Variants in SH3RF3 observed in about 807,000 individuals in gnomAD.
SH3RF3 encodes the protein E3 ubiquitin-protein ligase SH3RF3.
A neutral mutation model predicts 66.3 loss-of-function variants in SH3RF3; 29 were observed. The ratio of observed to expected loss-of-function variants is 0.44; its 90% CI spans 0.33 to 0.60. The LOEUF (loss-of-function observed/expected upper bound fraction) is 0.60. Among genes scored for constraint, SH3RF3 ranks in the 20% least tolerant of loss-of-function variants. The pLI, the probability that SH3RF3 is intolerant of heterozygous loss-of-function variation, is 0.04. For synonymous variants in SH3RF3, 583 were observed against 532.0 expected, an observed-to-expected ratio of 1.10 and a Z score of -1.32; for missense variants, 1,194 against 1,190.9, an observed-to-expected ratio of 1.00 and a Z score of -0.04.
intron 1 of SH3RF3, among the ~76,000 whole-genome samples, chr2:109,302,483 C>T (rs1681493276): frequency 6.6e-6 from 1 of 152,244 alleles, no homozygotes; most frequent in African/African-American, 2.4e-5. Context: ...CTCTTAGGGC[C>T]CCCATAGGGG....
rs1297592029 is a variant in SH3RF3 at position 109,503,002 on chromosome 2, G to C, written c.*1331G>C. 1 of 152,222 alleles carries C rather than the reference G, an allele frequency of 6.6e-6. No individual in the cohort carries two copies. The highest frequency in any genetic ancestry group is 2.4e-5 in the African/African-American group (1 of 41,462). 9.4% of individuals were successfully genotyped at this position (152,222 alleles called of 1,614,324 possible). A position where few individuals can be genotyped will look rare whatever the true frequency, so the allele number is the denominator to read the frequency against. Reference sequence around the variant, plus strand: ...ACCGCTGCAGGCTTGCAAGATCGGGGAGTTGGGAGGGCGAGAGAGGAGGAG... The same window carrying C: ...ACCGCTGCAGGCTTGCAAGATCGGGCAGTTGGGAGGGCGAGAGAGGAGGAG... On this transcript the variant is annotated 3_prime_UTR_variant, in exon 10 of 10. Coordinates refer to ENST00000309415, the MANE Select transcript of SH3RF3 (RefSeq NM_001099289.3).
At chr2:109,405,449 C>G (rs1345360259) in intron 4 of SH3RF3, among the ~76,000 whole-genome samples, 1 of 152,158 alleles carries the variant, frequency 6.6e-6, no homozygotes, top group Admixed American at 6.5e-5. Context: ...CTCTCCAGCT[C>G]CCGGCAGCAC....
chr2:109,151,899 G>A (rs1677232645), intron 1 of SH3RF3, among the ~76,000 whole-genome samples: 1 of 152,214 alleles, frequency 6.6e-6, no homozygotes, highest in African/African-American at 2.4e-5. Context: ...GAGGACTGCA[G>A]GAATTTTTGG....
rs371293742 is a variant in SH3RF3 at position 109,410,621 on chromosome 2, G to C, written c.1300-8918G>C. Among the ~76,000 whole-genome samples, 8 of 152,238 alleles carry C rather than the reference G, an allele frequency of 5.3e-5. No homozygotes were observed. In the East Asian group the frequency reaches 1.5e-3, roughly 29 times the overall value. On this transcript the variant is annotated intron_variant, in intron 4 of 9. Coordinates refer to ENST00000309415, the MANE Select transcript of SH3RF3 (RefSeq NM_001099289.3). Reference sequence around the variant, plus strand: ...AGGGAGGGATTGCTGGAGTTGTTCTGTAGGGTCAGTGACTCAGAGAACTGG... The same window carrying C: ...AGGGAGGGATTGCTGGAGTTGTTCTCTAGGGTCAGTGACTCAGAGAACTGG...
At chr2:109,447,680 T>C (rs1334140664) in intron 7 of SH3RF3, among the ~76,000 whole-genome samples, 1 of 152,176 alleles carries the variant, frequency 6.6e-6, no homozygotes. Flanking sequence ...GTTCATTCTC[T>C]CCCAGCATTT....
chr2:109,475,273 G>A (rs978841753), intron 8 of SH3RF3, among the ~76,000 whole-genome samples: 1 of 152,154 alleles, frequency 6.6e-6, no homozygotes, highest in East Asian at 1.9e-4. Flanking sequence ...CACCACGCCC[G>A]GCTTCAGTAT....
chr2:109,166,446 C>T (rs1677626256), intron 1 of SH3RF3, among the ~76,000 whole-genome samples: 2 of 141,580 alleles, frequency 1.4e-5, no homozygotes, highest in Admixed American at 1.5e-4. Context: ...CACTGTACTC[C>T]AGCCTGGTGA....
At chr2:109,284,640 A>G (rs992093441) in intron 1 of SH3RF3, among the ~76,000 whole-genome samples, 22 of 152,234 alleles carry the variant, frequency 1.4e-4, no homozygotes, top group African/African-American at 5.1e-4. Context: ...ACCATTGCCA[A>G]TGTCATGGGT....
At chr2:109,265,125 G>A (rs574098725) in intron 1 of SH3RF3, among the ~76,000 whole-genome samples, 1 of 152,180 alleles carries the variant, frequency 6.6e-6, no homozygotes, top group Admixed American at 6.5e-5. Flanking sequence ...GAAATAGGAT[G>A]GTGTGTGTTT....
chr2:109,199,998 G>A (rs867640957), intron 1 of SH3RF3, among the ~76,000 whole-genome samples: 20 of 152,040 alleles, frequency 1.3e-4, no homozygotes, highest in Non-Finnish European at 2.1e-4. Context: ...AGCTAAGGTG[G>A]GGTGGGTGCT....
intron 1 of SH3RF3, among the ~76,000 whole-genome samples, chr2:109,217,973 C>T (rs940056990): frequency 6.6e-6 from 1 of 152,180 alleles, no homozygotes; most frequent in Non-Finnish European, 1.5e-5. Context: ...CTTGCTCCTG[C>T]CGGTTGCCTT....
At chr2:109,325,154 G>A (rs575861445) in intron 1 of SH3RF3, among the ~76,000 whole-genome samples, 1 of 152,100 alleles carries the variant, frequency 6.6e-6, no homozygotes, top group African/African-American at 2.4e-5. Flanking sequence ...TGCAGTGCTC[G>A]GAAACAACTC....
At chr2:109,296,209 A>G (rs984300369) in intron 1 of SH3RF3, among the ~76,000 whole-genome samples, 1 of 151,494 alleles carries the variant, frequency 6.6e-6, no homozygotes, top group Non-Finnish European at 1.5e-5. Context: ...CTTCCACTCT[A>G]AACAGAATGA....
chr2:109,193,672 T>C (rs1678425006), intron 1 of SH3RF3, among the ~76,000 whole-genome samples: 1 of 152,222 alleles, frequency 6.6e-6, no homozygotes, highest in Non-Finnish European at 1.5e-5. Context: ...GAGTTGTTTC[T>C]ACCTCTACAT....
At chr2:109,252,829 A>G (rs190581043) in intron 1 of SH3RF3, among the ~76,000 whole-genome samples, 1 of 152,344 alleles carries the variant, frequency 6.6e-6, no homozygotes, top group East Asian at 1.9e-4. Context: ...CTGTCTTGAA[A>G]GTGAAAAACA....
chr2:109,429,761 CAT>C lies in SH3RF3; in HGVS notation c.1404-2739_1404-2738del, dbSNP rs779688124. ...AGCTTTTGTGTCCGCAGCTGTGAAA[CAT>C]GTGCAAGAAGGCCACAGACAGCCCT... is the stretch of plus-strand genomic sequence containing the variant. On this transcript the variant is annotated intron_variant, in intron 5 of 9. Transcript: ENST00000309415. Among the ~76,000 whole-genome samples the C allele has an allele frequency of 8.1e-4, 123 of 152,344 alleles. 3 individuals are homozygous for C. The highest frequency in any genetic ancestry group is 4.4e-3 in the Admixed American group (68 of 15,306).
intron 6 of SH3RF3, among the ~76,000 whole-genome samples, chr2:109,433,974 G>A (rs939051149): frequency 3.9e-5 from 6 of 152,230 alleles, no homozygotes; most frequent in African/African-American, 1.4e-4. Flanking sequence ...GTGGTGTGGG[G>A]TGACTTGCCC....
chr2:109,264,399 T>C (rs1435790398), intron 1 of SH3RF3, among the ~76,000 whole-genome samples: 1 of 152,114 alleles, frequency 6.6e-6, no homozygotes, highest in Non-Finnish European at 1.5e-5. Context: ...ACCTCGAGTC[T>C]GTGGGTGCCC....
chr2:109,196,185 T>A (rs1678495112), intron 1 of SH3RF3, among the ~76,000 whole-genome samples: 1 of 152,200 alleles, frequency 6.6e-6, no homozygotes, highest in Non-Finnish European at 1.5e-5. Context: ...AGCTGCAGCC[T>A]GGAGGCCTTG....
Sources: allele counts gnomAD v4.1 joint callset (sites outside exome capture counted in the v4.1 genomes callset), GRCh38; gene constraint gnomAD v4.1.1; transcripts MANE v1.5; gene names NCBI Gene and HGNC (gene_info 2026-07-23, HGNC 2026-07-21).